Variants in RAP1GAP2 observed in about 807,000 individuals in gnomAD.
The protein encoded by RAP1GAP2 is rap1 GTPase-activating protein 2.
A neutral mutation model predicts 95.0 loss-of-function variants in RAP1GAP2; 27 were observed. That is an observed-to-expected ratio of 0.28 (90% CI 0.21 to 0.39). The LOEUF is 0.39. Ranked by LOEUF, RAP1GAP2 falls within the 10% of genes least tolerant of loss-of-function variation. The pLI, the probability that RAP1GAP2 is intolerant of heterozygous loss-of-function variation, is 1.00. For missense variants in RAP1GAP2, 771 were observed against 970.0 expected, an observed-to-expected ratio of 0.79 and a Z score of 2.72; for synonymous variants, 373 against 380.9, an observed-to-expected ratio of 0.98 and a Z score of 0.24.
intron 2 of RAP1GAP2, among the ~76,000 whole-genome samples, chr17:2,885,362 G>A (rs1597509603): frequency 6.6e-6 from 1 of 152,202 alleles, no homozygotes; most frequent in African/African-American, 2.4e-5. Flanking sequence ...GATCCGGCTG[G>A]AAGGTTCTCA....
intron 2 of RAP1GAP2, among the ~76,000 whole-genome samples, chr17:2,771,867 ATAAG>A (rs1192358968): frequency 6.6e-6 from 1 of 152,176 alleles, no homozygotes; most frequent in East Asian, 1.9e-4. Flanking sequence ...AGTCATTGAG[ATAAG>A]TGACTGAATT....
At chr17:2,760,161 C>T (rs537955914) in intron 1 of RAP1GAP2, among the ~76,000 whole-genome samples, 4 of 151,332 alleles carry the variant, frequency 2.6e-5, no homozygotes, top group African/African-American at 7.3e-5. Flanking sequence ...GGCGTGGTGG[C>T]GGGAGCCTGT....
intron 8 of RAP1GAP2, among the ~76,000 whole-genome samples, chr17:2,970,808 G>A (rs901771873): frequency 6.6e-6 from 1 of 152,144 alleles, no homozygotes; most frequent in Admixed American, 6.5e-5. Context: ...GGGAGGCTGA[G>A]GCGGGAGGAT....
At position 2,814,417 on chromosome 17, in the gene RAP1GAP2, G is replaced by T. The variant is rs368626682; in HGVS notation, c.80+13867G>T. 4.3e-4 allele frequency among the ~76,000 whole-genome samples: 66 copies of T among 152,226 alleles called. 1 individual carries two copies. In the East Asian group the frequency reaches 0.012, roughly 27 times the overall value. On this transcript the variant is annotated intron_variant, in intron 2 of 24. Coordinates refer to ENST00000254695, the MANE Select transcript of RAP1GAP2 (RefSeq NM_015085.5). ...CTGCCCCTTCCCTGTCAGCATCAGG[G>T]TCACAACCTGCCCGTCCTTCCAGGG...
chr17:2,886,171 ATTTTTTT>A (rs564574824), intron 2 of RAP1GAP2, among the ~76,000 whole-genome samples: 5 of 123,352 alleles, frequency 4.1e-5, no homozygotes, highest in Non-Finnish European at 8.2e-5. Flanking sequence ...GTATATATAT[ATTTTTTT>A]TTTTTTTTTT....
chr17:2,934,277 A>G (rs2043238919), intron 3 of RAP1GAP2, among the ~76,000 whole-genome samples: 1 of 152,160 alleles, frequency 6.6e-6, no homozygotes, highest in African/African-American at 2.4e-5. Context: ...GACTATAGGC[A>G]TGGGCCACCA....
intron 19 of RAP1GAP2, among the ~76,000 whole-genome samples, chr17:3,024,959 T>C (rs1364582940): frequency 6.6e-6 from 1 of 152,180 alleles, no homozygotes; most frequent in East Asian, 1.9e-4. Flanking sequence ...CCAAAAGTAT[T>C]CTAAAATCAG....
At chr17:2,830,966 TTCCCTCCCTTCCCCTACCCTTCCCTC>T (rs2070812550) in intron 2 of RAP1GAP2, among the ~76,000 whole-genome samples, 1 of 90,896 alleles carries the variant, frequency 1.1e-5, no homozygotes, top group Non-Finnish European at 2.2e-5. Flanking sequence ...TCCCCTCCCC[TTCCCTCCCTTCCCCTACCCTTCCCTC>T]CACTTCCCTC....
intron 1 of RAP1GAP2, among the ~76,000 whole-genome samples, chr17:2,756,438 C>G (rs1355027217): frequency 6.6e-6 from 1 of 152,222 alleles, no homozygotes; most frequent in Non-Finnish European, 1.5e-5. Flanking sequence ...AGACGCAGCG[C>G]TGTCGAGTCA....
chr17:2,965,494 G>T lies in RAP1GAP2; in HGVS notation c.493-46G>T, dbSNP rs1282500468. 6.9e-7 allele frequency: 1 copy of T among 1,449,618 alleles called. No homozygotes were observed. The highest frequency in any genetic ancestry group is 9.5e-7 in the Non-Finnish European group (1 of 1,049,968). The allele number at this position is 1,449,618 out of a possible 1,614,324, so 89.8% of individuals were successfully genotyped here. On this transcript the variant is annotated intron_variant, in intron 7 of 24. Coordinates refer to ENST00000254695, the MANE Select transcript of RAP1GAP2 (RefSeq NM_015085.5). This position sits in a 1 kb window ranked among gnomAD's most constrained non-coding sequence, Gnocchi z 4.7. ...AGGTGGTTTAGGGGGAACATACCTG[G>T]AAGGTTTCTTCCTCCTTCCTGCTCA... is the stretch of plus-strand genomic sequence containing the variant.
At position 2,796,687 on chromosome 17, in the gene RAP1GAP2, G is replaced by A. The variant is rs910924461; in HGVS notation, c.44+116G>A. The A allele has an allele frequency of 2.5e-6, 3 of 1,186,650 alleles. No individual in the cohort carries two copies. Among genetic ancestry groups the A allele is most frequent in the Non-Finnish European group, 3.7e-6 (3 of 817,320 alleles). The allele number at this position is 1,186,650 out of a possible 1,614,324, so 73.5% of individuals were successfully genotyped here. ...GGCTCGGGCTGTGCCTGAGAGCTGG[G>A]TCTGCTGACGCCCTGGCAGGTCGAG... On this transcript the variant is annotated intron_variant, in intron 1 of 24. Transcript: ENST00000254695. The surrounding 1 kb of genome is among the most constrained non-coding windows in gnomAD (Gnocchi z 4.7).
At chr17:2,849,552 T>C (rs942374524) in intron 2 of RAP1GAP2, among the ~76,000 whole-genome samples, 1 of 152,198 alleles carries the variant, frequency 6.6e-6, no homozygotes, top group African/African-American at 2.4e-5. Flanking sequence ...TGTGCAGCTG[T>C]CTGCGCTCTG....
chr17:2,953,868 A>G (rs1235075461), intron 3 of RAP1GAP2, among the ~76,000 whole-genome samples: 1 of 152,138 alleles, frequency 6.6e-6, no homozygotes, highest in Non-Finnish European at 1.5e-5. Context: ...AAATAAAATA[A>G]AGTGTACAAT....
chr17:2,763,465 G>A (rs1453004359), intron 1 of RAP1GAP2, among the ~76,000 whole-genome samples: 1 of 152,196 alleles, frequency 6.6e-6, no homozygotes, highest in East Asian at 1.9e-4. Context: ...GGAGGCCGAG[G>A]CAGGTGGATC....
chr17:2,936,311 C>T (rs1387070092), intron 3 of RAP1GAP2, among the ~76,000 whole-genome samples: 1 of 136,546 alleles, frequency 7.3e-6, no homozygotes. Flanking sequence ...GGCCTTCATG[C>T]CTCCTTCTTT....
At chr17:2,942,596 T>C (rs1462560493) in intron 3 of RAP1GAP2, among the ~76,000 whole-genome samples, 2 of 152,084 alleles carry the variant, frequency 1.3e-5, no homozygotes, top group Non-Finnish European at 2.9e-5. Flanking sequence ...CCCTTTGGAA[T>C]GGCCGTGTGC....
Position 2,820,412 on chromosome 17 carries a change from G to A in RAP1GAP2, c.80+19862G>A, listed in dbSNP as rs559551295. On this transcript the variant is annotated intron_variant, in intron 2 of 24. Coordinates refer to ENST00000254695, the MANE Select transcript of RAP1GAP2 (RefSeq NM_015085.5). ...AAGGTGGGCGGATCACTTGAGGTCAGGAGCTCGAGACCAGCCTGGCCAACA... is the reference window on the plus strand; with the variant it reads ...AAGGTGGGCGGATCACTTGAGGTCAAGAGCTCGAGACCAGCCTGGCCAACA... 6.6e-5 allele frequency among the ~76,000 whole-genome samples: 10 copies of A among 152,196 alleles called. No homozygotes were observed. In the South Asian group the frequency reaches 2.1e-3, roughly 32 times the overall value.
At chr17:2,805,754 A>ATG (rs71377539) in intron 2 of RAP1GAP2, among the ~76,000 whole-genome samples, 74,016 of 150,162 alleles carry the variant, frequency 0.49, 18,363 homozygotes, top group South Asian at 0.59. Flanking sequence ...AGATGCGTGT[A>ATG]TGTGTGTGTG....
At chr17:2,782,549 C>T (rs2068684418) in intron 1 of RAP1GAP2, among the ~76,000 whole-genome samples, 2 of 152,144 alleles carry the variant, frequency 1.3e-5, no homozygotes, top group Admixed American at 1.3e-4. Context: ...TCTGGGGCTC[C>T]GGGCATCCAA....
Sources: allele counts gnomAD v4.1 joint callset (sites outside exome capture counted in the v4.1 genomes callset), GRCh38; gene constraint gnomAD v4.1.1; non-coding constraint Gnocchi (gnomAD v3.1); transcripts MANE v1.5; gene names NCBI Gene and HGNC (gene_info 2026-07-23, HGNC 2026-07-21).